CRYM: variants seen among roughly 807,000 people sequenced by gnomAD.
CRYM encodes ketimine reductase mu-crystallin.
CRYM carries 18 observed loss-of-function variants against 32.9 expected under a neutral mutation model. The observed-to-expected ratio is 0.55, with a 90% CI of 0.38 to 0.81. The LOEUF (loss-of-function observed/expected upper bound fraction) is 0.81, where lower values mean the gene tolerates loss of function less well. Ranked by LOEUF, CRYM falls within the 30% of genes least tolerant of loss-of-function variation. The probability of loss-of-function intolerance (pLI) is 0.00; values close to 1 mark genes in which losing one functional copy is unlikely to be tolerated. For missense variants in CRYM, 337 were observed against 393.5 expected, an observed-to-expected ratio of 0.86 and a Z score of 1.21; for synonymous variants, 153 against 152.4, an observed-to-expected ratio of 1.00 and a Z score of -0.03.
intron 1 of CRYM, among the ~76,000 whole-genome samples, chr16:21,296,356 T>C (rs1203608992): frequency 6.6e-6 from 1 of 152,148 alleles, no homozygotes; most frequent in Non-Finnish European, 1.5e-5. Context: ...AATGGAAATA[T>C]AGATGAGAAC....
upstream of CRYM, among the ~76,000 whole-genome samples, chr16:21,282,053 G>A (rs1017758809): frequency 2.6e-5 from 4 of 152,294 alleles, no homozygotes; most frequent in African/African-American, 7.2e-5. Context: ...CTTGTGGGAG[G>A]GACCCAGTGG....
chr16:21,286,975 A>G (rs2093408447), intron 1 of CRYM, among the ~76,000 whole-genome samples: 1 of 152,082 alleles, frequency 6.6e-6, no homozygotes, highest in Admixed American at 6.5e-5. Context: ...CTGTAGTCCC[A>G]GCTACTAGGG....
chr16:21,291,926 A>G (rs773862029), intron 1 of CRYM, among the ~76,000 whole-genome samples: 1 of 152,100 alleles, frequency 6.6e-6, no homozygotes, highest in Non-Finnish European at 1.5e-5. Context: ...GTGAAGTTAA[A>G]TTTATCATTT....
At chr16:21,299,458 A>C (rs574621535) in intron 1 of CRYM, among the ~76,000 whole-genome samples, 1 of 152,126 alleles carries the variant, frequency 6.6e-6, no homozygotes, top group Non-Finnish European at 1.5e-5. Flanking sequence ...ACAGGAGTGC[A>C]CCACCACTGC....
At chr16:21,287,215 C>T (rs552688887) in intron 1 of CRYM, among the ~76,000 whole-genome samples, 5 of 152,220 alleles carry the variant, frequency 3.3e-5, no homozygotes, top group African/African-American at 9.6e-5. Flanking sequence ...AAATAATAGT[C>T]ATTCATTTAC....
At chr16:21,278,423 C>T, upstream of CRYM, 1 of 740,688 alleles carries the variant, frequency 1.4e-6, no homozygotes, top group Non-Finnish European at 2.3e-6. Context: ...CCCCCTTCGC[C>T]CACCTCGACC....
At chr16:21,290,575 A>G (rs1473109655) in intron 1 of CRYM, among the ~76,000 whole-genome samples, 2 of 152,226 alleles carry the variant, frequency 1.3e-5, no homozygotes, top group African/African-American at 4.8e-5. Context: ...CCACAAAAGC[A>G]TCTTACAAAT....
At chr16:21,267,445 C>T (rs773972065) in intron 5 of CRYM, 109 bp downstream of exon 5, 1 of 1,173,024 alleles carries the variant, frequency 8.5e-7, no homozygotes. Flanking sequence ...CCTTAAATAG[C>T]TTGGGCATTC....
At chr16:21,282,430 G>C (rs565503176), upstream of CRYM, among the ~76,000 whole-genome samples, 1 of 151,734 alleles carries the variant, frequency 6.6e-6, no homozygotes, top group East Asian at 1.9e-4. Context: ...TAAATTGTGT[G>C]GTTTTTTTTT....
At chr16:21,262,864 G>A (rs1381216558) in intron 5 of CRYM, among the ~76,000 whole-genome samples, 1 of 152,164 alleles carries the variant, frequency 6.6e-6, no homozygotes, top group Non-Finnish European at 1.5e-5. Flanking sequence ...TTAAGGATCT[G>A]ATGGGTGAAT....
At chr16:21,297,708 A>C (rs1338283499) in intron 1 of CRYM, among the ~76,000 whole-genome samples, 2 of 152,208 alleles carry the variant, frequency 1.3e-5, no homozygotes, top group Non-Finnish European at 2.9e-5. Context: ...TGTCTTATGC[A>C]TGTATGTAGA....
At chr16:21,283,177 T>C (rs2093401203), upstream of CRYM, among the ~76,000 whole-genome samples, 1 of 152,184 alleles carries the variant, frequency 6.6e-6, no homozygotes, top group South Asian at 2.1e-4. Flanking sequence ...CCTAGACTTC[T>C]GCCACTACCA....
At chr16:21,295,444 T>C (rs1203031831) in intron 1 of CRYM, among the ~76,000 whole-genome samples, 2 of 152,208 alleles carry the variant, frequency 1.3e-5, no homozygotes, top group Non-Finnish European at 2.9e-5. Flanking sequence ...CTTTTTTTTA[T>C]GTGTTTGTTG....
In CRYM at chr16:21,267,590, AC is replaced by A. The variant is rs2093366605; in HGVS notation, c.636del (p.Leu212PhefsTer6). On this transcript the variant is annotated frameshift_variant, in exon 5 of 8. Transcript: ENST00000572914. LOFTEE classifies it high-confidence loss of function. ...GCCCCTGGCTTCACCCATTCACCAA[AC>A]AAAATGGGCTCTGTTGCCAGGGTGA... Reference protein sequence around the residue: ...ITVTLATEPILFGEWVKPGAH... With the variant: ...ITVTLATEPIXFGEWVKPGAH... 1 of 1,613,854 alleles carries A rather than the reference AC, an allele frequency of 6.2e-7. No homozygotes were observed. Among genetic ancestry groups the A allele is most frequent in the Non-Finnish European group, 8.5e-7 (1 of 1,180,016 alleles).
intron 5 of CRYM, among the ~76,000 whole-genome samples, chr16:21,264,804 G>T (rs2093360846): frequency 6.6e-6 from 1 of 152,106 alleles, no homozygotes; most frequent in Admixed American, 6.6e-5. Flanking sequence ...TCCATATGGT[G>T]GGAAATTTGG....
At chr16:21,269,941 G>A (rs748253702) in intron 3 of CRYM, 50 bp from the exon 4 acceptor site, 25 of 1,358,782 alleles carry the variant, frequency 1.8e-5, no homozygotes, top group Admixed American at 6.7e-5. Context: ...CCTAGCAGAC[G>A]GGTAAAAAAC....
At chr16:21,264,206 G>A (rs1004515508) in intron 5 of CRYM, among the ~76,000 whole-genome samples, 4 of 151,782 alleles carry the variant, frequency 2.6e-5, no homozygotes, top group African/African-American at 9.7e-5. Context: ...AAGGTTGTTT[G>A]TGCGGAGAGT....
chr16:21,292,356 T>A (rs574890654), intron 1 of CRYM, among the ~76,000 whole-genome samples: 273 of 152,146 alleles, frequency 1.8e-3, no homozygotes, highest in Non-Finnish European at 2.8e-3. Context: ...TTAGGGAAAA[T>A]TTTAAAAAAG....
At chr16:21,278,384 ACCCCG>A (rs1488050134), upstream of CRYM, 18 of 1,134,218 alleles carry the variant, frequency 1.6e-5, no homozygotes, top group Admixed American at 2.0e-5. Flanking sequence ...GGGCGGAGCA[ACCCCG>A]CCCCGCCCCG....
Sources: gnomAD v4.1 joint callset for allele counts (sites outside exome capture counted in the v4.1 genomes callset) on GRCh38, gnomAD v4.1.1 for gene constraint, MANE v1.5 for transcripts, NCBI Gene and HGNC (gene_info 2026-07-23, HGNC 2026-07-21) for gene names.